MAF: variants seen among roughly 807,000 people sequenced by gnomAD.
MAF encodes MAF bZIP transcription factor.
MAF carries 10 observed loss-of-function variants against 22.0 expected under a neutral mutation model. The ratio of observed to expected loss-of-function variants is 0.45; its 90% CI spans 0.28 to 0.77. MAF has a LOEUF of 0.77. MAF is among the 30% of genes least tolerant of loss of function. The pLI, the probability that MAF is intolerant of heterozygous loss-of-function variation, is 0.12. For synonymous variants in MAF, 337 were observed against 255.8 expected, an observed-to-expected ratio of 1.32 and a Z score of -3.03; for missense variants, 544 against 548.4, an observed-to-expected ratio of 0.99 and a Z score of 0.08.
the MAF span, among the ~76,000 whole-genome samples, chr16:79,488,649 G>A: frequency 6.6e-6 from 1 of 152,050 alleles, no homozygotes; most frequent in African/African-American, 2.4e-5. Context: ...AGAGACTGAA[G>A]GAGTCAGTCT....
At chr16:79,432,340 T>C in the MAF span, among the ~76,000 whole-genome samples, 425 of 152,310 alleles carry the variant, frequency 2.8e-3, 2 homozygotes, top group African/African-American at 9.6e-3. Flanking sequence ...GTCTCGAGTA[T>C]TTCCTTATAG....
At chr16:79,536,861 C>T in the MAF span, among the ~76,000 whole-genome samples, 160 of 152,244 alleles carry the variant, frequency 1.1e-3, no homozygotes, top group African/African-American at 3.6e-3. Flanking sequence ...AATCCTACTA[C>T]ACCATTTTAA....
the MAF span, among the ~76,000 whole-genome samples, chr16:79,513,716 C>T: frequency 6.6e-6 from 1 of 152,124 alleles, no homozygotes; most frequent in Non-Finnish European, 1.5e-5. Context: ...CATGAGCCTG[C>T]TGTGGGAAAT....
the MAF span, among the ~76,000 whole-genome samples, chr16:79,383,767 T>G: frequency 0.56 from 85,134 of 152,062 alleles, 24,846 homozygotes; most frequent in Non-Finnish European, 0.62. Context: ...CTTACAGATG[T>G]GCTCATTAAA....
chr16:79,375,333 T>G, the MAF span, among the ~76,000 whole-genome samples: 4 of 152,168 alleles, frequency 2.6e-5, no homozygotes, highest in Non-Finnish European at 5.9e-5. Flanking sequence ...CCTCTCCTCC[T>G]AAAGTTCCAC....
At chr16:79,457,056 G>C in the MAF span, among the ~76,000 whole-genome samples, 1 of 152,240 alleles carries the variant, frequency 6.6e-6, no homozygotes, top group African/African-American at 2.4e-5. Context: ...GATTAATAGA[G>C]ATGGTGGTCA....
At chr16:79,359,967 G>A in the MAF span, among the ~76,000 whole-genome samples, 1 of 152,174 alleles carries the variant, frequency 6.6e-6, no homozygotes, top group Non-Finnish European at 1.5e-5. Context: ...ATGGGTGAAT[G>A]CTCTTGGCAT....
chr16:79,451,585 C>T, the MAF span, among the ~76,000 whole-genome samples: 2 of 152,140 alleles, frequency 1.3e-5, no homozygotes, highest in African/African-American at 4.8e-5. Context: ...TTGAAAAATG[C>T]AAATGAGTTA....
At chr16:79,361,996 C>T in the MAF span, among the ~76,000 whole-genome samples, 1 of 152,036 alleles carries the variant, frequency 6.6e-6, no homozygotes, top group African/African-American at 2.4e-5. Flanking sequence ...GATCGTTAAC[C>T]CCATTTGAAG....
chr16:79,492,685 C>A, the MAF span, among the ~76,000 whole-genome samples: 5 of 151,308 alleles, frequency 3.3e-5, no homozygotes, highest in African/African-American at 1.2e-4. Flanking sequence ...AACTGCCGTT[C>A]AGCAAGAAAA....
chr16:79,429,953 G>A, the MAF span, among the ~76,000 whole-genome samples: 3 of 152,178 alleles, frequency 2.0e-5, no homozygotes, highest in Non-Finnish European at 4.4e-5. Flanking sequence ...AGAGGAAAAA[G>A]GGCAGGAATA....
chr16:79,557,396 G>T, the MAF span, among the ~76,000 whole-genome samples: 2 of 151,892 alleles, frequency 1.3e-5, no homozygotes, highest in East Asian at 3.9e-4. Context: ...GGTGTAGAGG[G>T]GAAGCAAAAA....
the MAF span, chr16:79,211,849 C>T: frequency 2.5e-3 from 3,995 of 1,609,628 alleles, 10 homozygotes; most frequent in Non-Finnish European, 3.1e-3. Context: ...TGTCCCCTCA[C>T]GCAAGTGCCA....
chr16:79,337,248 G>C, the MAF span, among the ~76,000 whole-genome samples: 1 of 152,132 alleles, frequency 6.6e-6, no homozygotes, highest in South Asian at 2.1e-4. Context: ...ATCTTCTTCA[G>C]ATCAGCAATG....
chr16:79,240,642 C>T, the MAF span, among the ~76,000 whole-genome samples: 1 of 151,830 alleles, frequency 6.6e-6, no homozygotes, highest in Non-Finnish European at 1.5e-5. Context: ...ACGACCTGGC[C>T]TGATGGCTCT....
chr16:79,392,023 G>C, the MAF span, among the ~76,000 whole-genome samples: 1 of 149,906 alleles, frequency 6.7e-6, no homozygotes, highest in African/African-American at 2.5e-5. Flanking sequence ...AGGAAAGAGA[G>C]AGAGGGAAGA....
At chr16:79,279,961 A>G in the MAF span, among the ~76,000 whole-genome samples, 3 of 152,162 alleles carry the variant, frequency 2.0e-5, no homozygotes, top group Admixed American at 6.5e-5. Context: ...GTTTGTGGGC[A>G]ATGGAAGTGT....
chr16:79,556,018 TA>T, the MAF span, among the ~76,000 whole-genome samples: 1 of 152,108 alleles, frequency 6.6e-6, no homozygotes, highest in Admixed American at 6.5e-5. Flanking sequence ...TTTGTTAGTT[TA>T]GTTTAGTTTA....
At chr16:79,235,807 A>G in the MAF span, among the ~76,000 whole-genome samples, 1 of 152,076 alleles carries the variant, frequency 6.6e-6, no homozygotes, top group Non-Finnish European at 1.5e-5. Context: ...CACCACTAGC[A>G]TTAGTAGCAG....
Sources: allele counts gnomAD v4.1 joint callset (sites outside exome capture counted in the v4.1 genomes callset), GRCh38; gene constraint gnomAD v4.1.1; transcripts MANE v1.5; gene names NCBI Gene and HGNC (gene_info 2026-07-23, HGNC 2026-07-21).